Variants in PDGFRL observed in about 807,000 individuals in gnomAD.
The protein encoded by PDGFRL is platelet-derived growth factor receptor-like protein.
Under a neutral mutation model 37.2 loss-of-function variants are expected in PDGFRL, and 46 were observed. The observed-to-expected ratio is 1.24, with a 90% CI of 0.98 to 1.58. The LOEUF is 1.58. Among genes scored for constraint, PDGFRL ranks in the 40% most tolerant of loss-of-function variants. The probability of loss-of-function intolerance (pLI) is 0.00; values close to 1 mark genes in which losing one functional copy is unlikely to be tolerated. For synonymous variants in PDGFRL, 251 were observed against 184.3 expected (o/e 1.36, Z -2.93); for missense variants, 692 against 467.6 (o/e 1.48, Z -4.43).
At chr8:17,596,869 G>C (rs1804064201) in intron 2 of PDGFRL, among the ~76,000 whole-genome samples, 1 of 152,224 alleles carries the variant, frequency 6.6e-6, no homozygotes, top group Non-Finnish European at 1.5e-5. Context: ...ACGGACTCTT[G>C]ACATCGTTCC....
At chr8:17,622,409 C>G (rs1563524071) in intron 3 of PDGFRL, among the ~76,000 whole-genome samples, 1 of 63,490 alleles carries the variant, frequency 1.6e-5, no homozygotes, top group African/African-American at 6.5e-5. Flanking sequence ...CAGACGTAGA[C>G]CTAGACATAG....
At chr8:17,638,005 A>G in intron 5 of PDGFRL, among the ~76,000 whole-genome samples, 1 of 152,060 alleles carries the variant, frequency 6.6e-6, no homozygotes, top group Non-Finnish European at 1.5e-5. Context: ...TCAAAGAATC[A>G]GCTTTTTGTT....
rs374100766 is a variant in PDGFRL at position 17,621,151 on chromosome 8, A to G, written c.454A>G (p.Ile152Val). The part of the protein sequence containing the change: ...SCWVQLCSGY[I>V]CRKDEAKTGS... The stretch of plus-strand genomic sequence containing the variant: ...CTGGGTGCAGCTCTGCAGCGGCTAC[A>G]TCTGCAGGAAGGACGAGGCCAAAAC... The change falls in exon 3 of 6, where the codon ATC becomes GTC. Residue 152 changes from isoleucine to valine, a missense_variant. Physicochemically the swap from Ile to Val is conservative, Grantham distance 29. Transcript: ENST00000251630. 6.2e-6 allele frequency: 10 copies of G among 1,611,642 alleles called. No individual in the cohort carries two copies. The highest frequency in any genetic ancestry group is 8.5e-6 in the Non-Finnish European group (10 of 1,178,170).
chr8:17,610,923 G>T (rs745496089), intron 2 of PDGFRL, among the ~76,000 whole-genome samples: 3 of 146,356 alleles, frequency 2.0e-5, no homozygotes, highest in Admixed American at 6.9e-5. Context: ...AAAATTACAC[G>T]AGAATTGATG....
intron 2 of PDGFRL, 99 bp downstream of exon 2, chr8:17,589,864 A>G (rs1244039483): frequency 4.2e-6 from 3 of 714,026 alleles, no homozygotes; most frequent in African/African-American, 1.8e-5. Flanking sequence ...GACATGTTCC[A>G]TTTTACCCTA....
At chr8:17,629,836 T>C (rs2129808268) in intron 4 of PDGFRL, among the ~76,000 whole-genome samples, 1 of 152,226 alleles carries the variant, frequency 6.6e-6, no homozygotes, top group Non-Finnish European at 1.5e-5. Flanking sequence ...TTTCCCAGGA[T>C]TCTGTGTTCA....
intron 2 of PDGFRL, among the ~76,000 whole-genome samples, chr8:17,608,459 T>C (rs1804332624): frequency 6.6e-6 from 1 of 152,094 alleles, no homozygotes. Flanking sequence ...AGGTGGCTCG[T>C]GCATTGGCAC....
intron 2 of PDGFRL, among the ~76,000 whole-genome samples, chr8:17,603,980 G>C (rs1214891675): frequency 1.3e-5 from 2 of 152,136 alleles, no homozygotes; most frequent in African/African-American, 2.4e-5. Context: ...AGGTGGGTAA[G>C]ATGTGGCGGT....
At position 17,628,513 on chromosome 8, in the gene PDGFRL, C is replaced by T. The variant is rs764224315; in HGVS notation, c.532C>T (p.Pro178Ser). ...GAAAGGAGAACTCTTTGTACCTTCT[C>T]CCAGCTACTTCGATGTTGTCTACTT... ...TEKGELFVPS[P>S]SYFDVVYLNP... Residue 178 changes from proline (P) to serine (S), a missense_variant, in exon 4 of 6, where the codon CCC becomes TCC. Pro to Ser is a moderately conservative substitution (Grantham distance 74, BLOSUM62 -1). Coordinates refer to ENST00000251630, the MANE Select transcript of PDGFRL (RefSeq NM_001372073.1). 5 of 1,613,976 alleles carry T rather than the reference C, an allele frequency of 3.1e-6. No individual in the cohort carries two copies. The East Asian group carries it at 6.7e-5, about 22-fold the overall frequency.
chr8:17,600,175 A>G (rs1055202413), intron 2 of PDGFRL, among the ~76,000 whole-genome samples: 26 of 152,106 alleles, frequency 1.7e-4, no homozygotes, highest in African/African-American at 5.1e-4. Context: ...ATTACTCCAC[A>G]TGCATTTTTT....
rs185991198 is a variant in PDGFRL at position 17,605,671 on chromosome 8, T to C, written c.354-15380T>C. ...GACGTTGGAGATTTCAGCTATGTTGTCAGCAACATCACAGCAGTAAAAACA... is the reference window on the plus strand; with the variant it reads ...GACGTTGGAGATTTCAGCTATGTTGCCAGCAACATCACAGCAGTAAAAACA... On this transcript the variant is annotated intron_variant, in intron 2 of 5. Transcript: ENST00000251630. Among the ~76,000 whole-genome samples the C allele has an allele frequency of 4.8e-3, 724 of 152,338 alleles. 7 individuals carry two copies. Among genetic ancestry groups the C allele is most frequent in the African/African-American group, 0.017 (695 of 41,574 alleles).
intron 3 of PDGFRL, among the ~76,000 whole-genome samples, chr8:17,627,670 T>C (rs1804760815): frequency 6.6e-6 from 1 of 151,426 alleles, no homozygotes. Flanking sequence ...GAGACGGGGT[T>C]TCACCATGTT....
At chr8:17,598,633 C>A (rs1310598943) in intron 2 of PDGFRL, among the ~76,000 whole-genome samples, 1 of 152,164 alleles carries the variant, frequency 6.6e-6, no homozygotes, top group Non-Finnish European at 1.5e-5. Flanking sequence ...TATTTCATAT[C>A]TATGGTGCTG....
At chr8:17,618,911 C>CGATT (rs373885808) in intron 2 of PDGFRL, among the ~76,000 whole-genome samples, 6 of 151,612 alleles carry the variant, frequency 4.0e-5, no homozygotes, top group Non-Finnish European at 1.5e-5. Flanking sequence ...TCCTGAGAGT[C>CGATT]GATCCTAATT....
intron 2 of PDGFRL, among the ~76,000 whole-genome samples, chr8:17,604,872 G>C (rs1357070948): frequency 6.6e-6 from 1 of 152,168 alleles, no homozygotes; most frequent in Non-Finnish European, 1.5e-5. Context: ...CCAGCCCTTT[G>C]GGAGGCTGAG....
At chr8:17,581,907 G>T (rs1173776512) in intron 1 of PDGFRL, among the ~76,000 whole-genome samples, 1 of 152,262 alleles carries the variant, frequency 6.6e-6, no homozygotes, top group Admixed American at 6.5e-5. Flanking sequence ...GTGGGATATT[G>T]CTATAAAGAT....
chr8:17,601,618 C>G (rs935096445), intron 2 of PDGFRL, among the ~76,000 whole-genome samples: 8 of 152,110 alleles, frequency 5.3e-5, no homozygotes, highest in African/African-American at 1.4e-4. Flanking sequence ...CACCCTCTTC[C>G]CACCCTCCAC....
intron 1 of PDGFRL, among the ~76,000 whole-genome samples, chr8:17,586,143 G>T (rs1803809887): frequency 7.0e-6 from 1 of 143,122 alleles, no homozygotes. Context: ...TGGAAGAGAT[G>T]AGGTTTTACT....
At chr8:17,583,546 A>G (rs1209193728) in intron 1 of PDGFRL, among the ~76,000 whole-genome samples, 1 of 152,176 alleles carries the variant, frequency 6.6e-6, no homozygotes, top group Non-Finnish European at 1.5e-5. Flanking sequence ...AGTATTTGAA[A>G]GACATGAGTT....
Sources: gnomAD v4.1 joint callset for allele counts (sites outside exome capture counted in the v4.1 genomes callset) on GRCh38, gnomAD v4.1.1 for gene constraint, MANE v1.5 for transcripts, NCBI Gene and HGNC (gene_info 2026-07-23, HGNC 2026-07-21) for gene names.